ZBBX: variants seen among roughly 807,000 people sequenced by gnomAD.
ZBBX encodes the protein zinc finger B-box domain-containing protein 1.
ZBBX carries 101 observed loss-of-function variants against 108.5 expected under a neutral mutation model. That is an observed-to-expected ratio of 0.93 (90% confidence interval 0.79 to 1.10). The LOEUF (loss-of-function observed/expected upper bound fraction) is 1.10, where lower values mean the gene tolerates loss of function less well. Ranked by LOEUF, ZBBX falls within the 50% of genes least tolerant of loss-of-function variation. ZBBX has a pLI of 0.00. For synonymous variants in ZBBX, 356 were observed against 323.4 expected, an observed-to-expected ratio of 1.10 and a Z score of -1.08; for missense variants, 1,009 against 941.4, an observed-to-expected ratio of 1.07 and a Z score of -0.94.
chr3:167,338,773 T>A (rs1190609781), intron 9 of ZBBX, among the ~76,000 whole-genome samples: 5 of 151,894 alleles, frequency 3.3e-5, no homozygotes, highest in African/African-American at 1.2e-4. Context: ...GATATAGAGG[T>A]AGAGAGAGAG....
chr3:167,266,606 A>G (rs1053356641), intron 20 of ZBBX, among the ~76,000 whole-genome samples: 1 of 152,194 alleles, frequency 6.6e-6, no homozygotes, highest in Non-Finnish European at 1.5e-5. Flanking sequence ...TTTGCGGTCC[A>G]ACCCCAGCCC....
intron 9 of ZBBX, among the ~76,000 whole-genome samples, chr3:167,341,952 C>A (rs151309188): frequency 2.0e-5 from 3 of 151,582 alleles, no homozygotes; most frequent in African/African-American, 4.8e-5. Flanking sequence ...ATGAACATAA[C>A]GTATATTACA....
chr3:167,309,620 C>A (rs1734242618), intron 16 of ZBBX, among the ~76,000 whole-genome samples: 1 of 152,236 alleles, frequency 6.6e-6, no homozygotes, highest in South Asian at 2.1e-4. Flanking sequence ...CCCCTTTTAA[C>A]CCTGACTGCA....
chr3:167,282,557 A>G, intron 19 of ZBBX, 62 bp from the exon 20 acceptor site: 1 of 1,388,666 alleles, frequency 7.2e-7, no homozygotes, highest in South Asian at 1.3e-5. Context: ...GTACTTAAAG[A>G]TACAAAATAC....
rs141690816 is a variant in ZBBX at position 167,359,589 on chromosome 3, T to C, written c.432+281A>G. Reference sequence around the variant, plus strand: ...GTTTTGGATGGGATATACTGCAACATGTTTGTGTGCTAATAGGTATGACTC... The same window carrying C: ...GTTTTGGATGGGATATACTGCAACACGTTTGTGTGCTAATAGGTATGACTC... On this transcript the variant is annotated intron_variant, in intron 8 of 21. Coordinates refer to ENST00000675490, the MANE Select transcript of ZBBX (RefSeq NM_001199201.2). Among the ~76,000 whole-genome samples, 201 of 152,192 alleles carry C rather than the reference T, an allele frequency of 1.3e-3. 1 individual carries two copies. Among genetic ancestry groups the C allele is most frequent in the African/African-American group, 4.5e-3 (189 of 41,546 alleles).
upstream of ZBBX, among the ~76,000 whole-genome samples, chr3:167,384,581 C>T (rs760076012): frequency 1.3e-5 from 2 of 151,834 alleles, no homozygotes; most frequent in South Asian, 4.2e-4. Flanking sequence ...TATTAGGTTA[C>T]CATCAGCATG....
At chr3:167,313,734 T>C (rs1468454282) in intron 16 of ZBBX, among the ~76,000 whole-genome samples, 2 of 152,356 alleles carry the variant, frequency 1.3e-5, no homozygotes, top group East Asian at 3.9e-4. Context: ...AAATGCTAGC[T>C]GAGTCTATAA....
At chr3:167,186,883 G>A in the ZBBX span, among the ~76,000 whole-genome samples, 1 of 152,076 alleles carries the variant, frequency 6.6e-6, no homozygotes, top group Non-Finnish European at 1.5e-5. Flanking sequence ...TTTGTTGCAG[G>A]TATTAAAATG....
chr3:167,242,920 C>CA (rs5854233), intron 20 of ZBBX, among the ~76,000 whole-genome samples: 48,850 of 149,672 alleles, frequency 0.33, 8,303 homozygotes, highest in East Asian at 0.65. Flanking sequence ...CATAAAATTT[C>CA]AAAAAAAAAA....
the ZBBX span, among the ~76,000 whole-genome samples, chr3:167,211,300 T>A: frequency 6.6e-6 from 1 of 152,160 alleles, no homozygotes; most frequent in Non-Finnish European, 1.5e-5. Flanking sequence ...TTATTCAGCT[T>A]GACAGACAGA....
At chr3:167,225,922 A>G in the ZBBX span, among the ~76,000 whole-genome samples, 9 of 151,612 alleles carry the variant, frequency 5.9e-5, no homozygotes, top group African/African-American at 2.2e-4. Flanking sequence ...AGTTATCCAC[A>G]GGGTTCCTTT....
At chr3:167,268,973 G>C (rs533848348) in intron 20 of ZBBX, among the ~76,000 whole-genome samples, 2 of 152,160 alleles carry the variant, frequency 1.3e-5, no homozygotes, top group Non-Finnish European at 2.9e-5. Context: ...GGGGAACAAC[G>C]TTGCAAAGTC....
chr3:167,188,701 A>T, the ZBBX span, among the ~76,000 whole-genome samples: 1 of 152,218 alleles, frequency 6.6e-6, no homozygotes, highest in Non-Finnish European at 1.5e-5. Context: ...ATTTATCTAC[A>T]TAATAACTTT....
intron 1 of ZBBX, among the ~76,000 whole-genome samples, chr3:167,404,154 G>A (rs1748509425): frequency 3.3e-5 from 5 of 152,028 alleles, no homozygotes; most frequent in Admixed American, 2.6e-4. Flanking sequence ...AGCCAACAAA[G>A]TAAACTTCAA....
intron 2 of ZBBX, among the ~76,000 whole-genome samples, chr3:167,378,347 A>T (rs917580087): frequency 6.6e-6 from 1 of 152,206 alleles, no homozygotes. Context: ...GCCTTTAGAT[A>T]TCAAGGGACA....
intron 20 of ZBBX, among the ~76,000 whole-genome samples, chr3:167,265,896 C>T (rs1351659815): frequency 6.6e-6 from 1 of 152,210 alleles, no homozygotes; most frequent in African/African-American, 2.4e-5. Flanking sequence ...GTGAAGTCCT[C>T]TAGTTGATGT....
the ZBBX span, among the ~76,000 whole-genome samples, chr3:167,197,365 C>T: frequency 0.25 from 37,303 of 151,668 alleles, 5,900 homozygotes; most frequent in East Asian, 0.65. Context: ...GGTGAAACCC[C>T]ATCTCTACTA....
chr3:167,397,221 T>C (rs1748268164), intron 1 of ZBBX, among the ~76,000 whole-genome samples: 1 of 150,530 alleles, frequency 6.6e-6, no homozygotes, highest in Non-Finnish European at 1.5e-5. Flanking sequence ...CTTCGCTGAC[T>C]GCATTTTCTT....
At chr3:167,323,710 T>C (rs998280980) in intron 11 of ZBBX, among the ~76,000 whole-genome samples, 6 of 152,106 alleles carry the variant, frequency 3.9e-5, no homozygotes, top group Non-Finnish European at 8.8e-5. Flanking sequence ...ATTGATGGGA[T>C]CATGGGTGTT....
Sources: gnomAD v4.1 joint callset for allele counts (sites outside exome capture counted in the v4.1 genomes callset) on GRCh38, gnomAD v4.1.1 for gene constraint, MANE v1.5 for transcripts, NCBI Gene and HGNC (gene_info 2026-07-23, HGNC 2026-07-21) for gene names.